RYR2: variants seen among roughly 807,000 people sequenced by gnomAD.
RYR2 encodes the protein cardiac muscle ryanodine receptor-calcium release channel.
In RYR2, 227 loss-of-function variants were observed where a neutral mutation model predicts 601.1. The observed-to-expected ratio is 0.38, with a 90% CI of 0.34 to 0.42. The LOEUF is 0.42. Ranked by LOEUF, RYR2 falls within the 10% of genes least tolerant of loss-of-function variation. The probability of loss-of-function intolerance (pLI) is 1.00; values close to 1 mark genes in which losing one functional copy is unlikely to be tolerated. For synonymous variants in RYR2, 2,223 were observed against 2,175.1 expected (o/e 1.02, Z -0.61); for missense variants, 4,646 against 6,156.5 (o/e 0.75, Z 8.21).
chr1:237,542,339 C>G (rs944861149), intron 25 of RYR2, among the ~76,000 whole-genome samples: 1 of 151,988 alleles, frequency 6.6e-6, no homozygotes. Context: ...GTGATCCGCC[C>G]GCCTCAGCCT....
intron 5 of RYR2, among the ~76,000 whole-genome samples, chr1:237,368,409 C>G (rs1316893868): frequency 6.6e-6 from 1 of 151,966 alleles, no homozygotes; most frequent in Non-Finnish European, 1.5e-5. Flanking sequence ...GATGGGGCAG[C>G]ATGAAAGCAG....
chr1:237,795,597 C>G (rs1182345945), intron 96 of RYR2, among the ~76,000 whole-genome samples: 1 of 146,548 alleles, frequency 6.8e-6, no homozygotes, highest in African/African-American at 2.5e-5. Flanking sequence ...ATTCCAGGCG[C>G]CTGCCACCAC....
At chr1:237,190,811 G>C (rs1234849030) in intron 1 of RYR2, among the ~76,000 whole-genome samples, 2 of 152,210 alleles carry the variant, frequency 1.3e-5, no homozygotes, top group Non-Finnish European at 2.9e-5. Flanking sequence ...GTCCTCTGAA[G>C]ATGCCGAGGG....
At chr1:237,756,630 A>G (rs933285889) in intron 81 of RYR2, among the ~76,000 whole-genome samples, 3 of 152,074 alleles carry the variant, frequency 2.0e-5, no homozygotes, top group African/African-American at 7.2e-5. Context: ...TTTGGAAACT[A>G]TGTTATAACT....
At chr1:237,075,432 G>C (rs368749654) in intron 1 of RYR2, among the ~76,000 whole-genome samples, 1 of 142,276 alleles carries the variant, frequency 7.0e-6, no homozygotes, top group Admixed American at 7.2e-5. Context: ...CCGTGCGCGA[G>C]CCGAAGCAGG....
chr1:237,802,034 C>G (rs1021989942), intron 98 of RYR2, 118 bp downstream of exon 98: 3 of 585,204 alleles, frequency 5.1e-6, no homozygotes, highest in Non-Finnish European at 9.4e-6. Flanking sequence ...TCATTTCATA[C>G]AGACCAGATC....
At chr1:237,102,847 T>A (rs1668266959) in intron 1 of RYR2, among the ~76,000 whole-genome samples, 2 of 152,224 alleles carry the variant, frequency 1.3e-5, no homozygotes, top group South Asian at 4.2e-4. Context: ...AGAGCAAGAC[T>A]CCATCTAAAA....
intron 14 of RYR2, among the ~76,000 whole-genome samples, chr1:237,447,893 T>C (rs1657579247): frequency 6.7e-6 from 1 of 148,778 alleles, no homozygotes; most frequent in Non-Finnish European, 1.5e-5. Context: ...TTTTCTTTCT[T>C]TCTGTCTTTT....
At chr1:237,385,641 T>C (rs16835191) in intron 8 of RYR2, among the ~76,000 whole-genome samples, 9,951 of 152,312 alleles carry the variant, frequency 0.065, 567 homozygotes, top group African/African-American at 0.15. Flanking sequence ...TTTCAGAGTT[T>C]GGTTAAAATC....
intron 84 of RYR2, among the ~76,000 whole-genome samples, chr1:237,761,789 C>T (rs1057354233): frequency 6.6e-6 from 1 of 152,082 alleles, no homozygotes; most frequent in African/African-American, 2.4e-5. Context: ...TAGTTTTACT[C>T]AGGGCCCCGT....
At chr1:237,136,191 C>T (rs192154995) in intron 1 of RYR2, among the ~76,000 whole-genome samples, 4 of 152,292 alleles carry the variant, frequency 2.6e-5, no homozygotes, top group East Asian at 1.9e-4. Context: ...AGTGATAAAG[C>T]GGAAACATTG....
chr1:237,217,495 T>G (rs1385379044), intron 1 of RYR2, among the ~76,000 whole-genome samples: 3 of 152,202 alleles, frequency 2.0e-5, no homozygotes, highest in Middle Eastern at 3.2e-3. Context: ...GCACATCGCA[T>G]AACAGCTGTG....
chr1:237,665,065 C>T (rs1684178913), intron 56 of RYR2, among the ~76,000 whole-genome samples: 1 of 152,162 alleles, frequency 6.6e-6, no homozygotes, highest in African/African-American at 2.4e-5. Flanking sequence ...TACCTAGTTT[C>T]ATACCAACCT....
At chr1:237,177,154 C>T (rs1247840048) in intron 1 of RYR2, among the ~76,000 whole-genome samples, 1 of 152,118 alleles carries the variant, frequency 6.6e-6, no homozygotes, top group Non-Finnish European at 1.5e-5. Flanking sequence ...CTCTTGCTGG[C>T]AAAAATCTTT....
rs1686939036 is a variant in RYR2 at position 237,691,465 on chromosome 1, G to A, written c.9067+3961G>A. 4.6e-5 allele frequency among the ~76,000 whole-genome samples: 7 copies of A among 152,184 alleles called. No homozygotes were observed. In the South Asian group the frequency reaches 1.0e-3, roughly 23 times the overall value. On this transcript the variant is annotated intron_variant, in intron 63 of 104. Coordinates refer to ENST00000366574, the MANE Select transcript of RYR2 (RefSeq NM_001035.3). Reference sequence around the variant, plus strand: ...CATTGTAATTATATCTCCAAACCTCGCCTGTGGTTGAAATATTTTTCTGAC... The same window carrying A: ...CATTGTAATTATATCTCCAAACCTCACCTGTGGTTGAAATATTTTTCTGAC...
chr1:237,528,260 G>A (rs902149553), intron 24 of RYR2, among the ~76,000 whole-genome samples: 1 of 152,254 alleles, frequency 6.6e-6, no homozygotes, highest in East Asian at 1.9e-4. Flanking sequence ...GAAATTGTGA[G>A]CAGTATGTTG....
At chr1:237,125,620 G>C (rs1361710962) in intron 1 of RYR2, among the ~76,000 whole-genome samples, 1 of 152,144 alleles carries the variant, frequency 6.6e-6, no homozygotes, top group Non-Finnish European at 1.5e-5. Flanking sequence ...CATTGTTTTT[G>C]TGCTAAGTTC....
At chr1:237,627,685 C>A in intron 40 of RYR2, 122 bp from the exon 41 acceptor site, 1 of 967,840 alleles carries the variant, frequency 1.0e-6, no homozygotes, top group Non-Finnish European at 1.5e-6. Context: ...ATATCTAGAG[C>A]CTTTTCAAGC....
chr1:237,581,742 A>C (rs2148374382), intron 29 of RYR2, among the ~76,000 whole-genome samples: 1 of 152,306 alleles, frequency 6.6e-6, no homozygotes, highest in Non-Finnish European at 1.5e-5. Context: ...TAACAGCTGA[A>C]GTTCCTGTCA....
Sources: gnomAD v4.1 joint callset for allele counts (sites outside exome capture counted in the v4.1 genomes callset) on GRCh38, gnomAD v4.1.1 for gene constraint, MANE v1.5 for transcripts, NCBI Gene and HGNC (gene_info 2026-07-23, HGNC 2026-07-21) for gene names.